ABCC12: variants seen among roughly 807,000 people sequenced by gnomAD.
The protein encoded by ABCC12 is ATP-binding cassette sub-family C member 12.
A neutral mutation model predicts 151.1 loss-of-function variants in ABCC12; 142 were observed. The observed-to-expected ratio is 0.94, with a 90% CI of 0.82 to 1.08. The LOEUF is 1.08. ABCC12 is among the 50% of genes least tolerant of loss of function. The pLI is 0.00. For missense variants in ABCC12, 1,638 were observed against 1,691.1 expected (o/e 0.97, Z 0.55); for synonymous variants, 645 against 646.4 (o/e 1.00, Z 0.03).
intron 23 of ABCC12, among the ~76,000 whole-genome samples, chr16:48,098,090 GACACACACACACACACACACACAC>G (rs66949388): frequency 3.0e-4 from 37 of 121,972 alleles, no homozygotes; most frequent in Admixed American, 1.8e-3. Context: ...TGCCCCACCT[GACACACACACACACACACACACAC>G]ACACACACAC....
intron 13 of ABCC12, among the ~76,000 whole-genome samples, chr16:48,118,878 T>C (rs1469102890): frequency 6.6e-6 from 1 of 152,236 alleles, no homozygotes; most frequent in East Asian, 1.9e-4. Context: ...TCTATAAAAT[T>C]GTGCAAACAA....
Position 48,140,912 on chromosome 16 carries a change from G to T in ABCC12, c.432C>A (p.Leu144=), listed in dbSNP as rs1964786424. The T allele has an allele frequency of 1.2e-6, 2 of 1,613,764 alleles. No homozygotes were observed. Among genetic ancestry groups the T allele is most frequent in the South Asian group, 2.2e-5 (2 of 90,962 alleles). Residue 144 remains leucine (L), a synonymous_variant, in exon 6 of 31, where the codon CTC becomes CTA. Coordinates refer to ENST00000311303, the MANE Select transcript of ABCC12 (RefSeq NM_001393797.1). ...CAGTCTGCTGGAGGATTTGGTGAAT[G>T]AGAACTGTCTGTAAAACAGCATGGT... ...IIMAAIGPTV[L]IHQILQQTER...
intron 24 of ABCC12, among the ~76,000 whole-genome samples, chr16:48,093,156 C>T (rs375003308): frequency 6.6e-5 from 10 of 152,256 alleles, no homozygotes; most frequent in East Asian, 5.8e-4. Flanking sequence ...CATCCTACCA[C>T]GCACAGAACA....
chr16:48,143,450 G>C (rs899975326), intron 4 of ABCC12, among the ~76,000 whole-genome samples: 4 of 152,212 alleles, frequency 2.6e-5, no homozygotes, highest in Non-Finnish European at 5.9e-5. Flanking sequence ...TGGGGAAATT[G>C]TGAAGCACAC....
chr16:48,133,895 GA>G, intron 8 of ABCC12, 60 bp from the exon 9 acceptor site: 1 of 1,597,714 alleles, frequency 6.3e-7, no homozygotes, highest in Non-Finnish European at 8.6e-7. Flanking sequence ...CTAGCATTAT[GA>G]AATGTATTAG....
intron 6 of ABCC12, among the ~76,000 whole-genome samples, 175 bp from the exon 7 acceptor site, chr16:48,139,511 T>C (rs1489826130): frequency 1.3e-5 from 2 of 152,100 alleles, no homozygotes; most frequent in Non-Finnish European, 2.9e-5. Context: ...GGTACGACTT[T>C]GGAGAGGCTG....
intron 2 of ABCC12, among the ~76,000 whole-genome samples, chr16:48,152,452 C>T (rs1965129391): frequency 6.6e-6 from 1 of 152,178 alleles, no homozygotes; most frequent in Non-Finnish European, 1.5e-5. Context: ...AGCTGTGGTC[C>T]ATGATCAACA....
intron 18 of ABCC12, among the ~76,000 whole-genome samples, chr16:48,110,314 A>T (rs963405524): frequency 6.6e-6 from 1 of 151,446 alleles, no homozygotes; most frequent in African/African-American, 2.4e-5. Context: ...GTTAGCAGAG[A>T]TTTTTTTTTC....
chr16:48,130,330 T>C (rs965914817), intron 10 of ABCC12, among the ~76,000 whole-genome samples: 17 of 152,194 alleles, frequency 1.1e-4, no homozygotes, highest in African/African-American at 4.1e-4. Flanking sequence ...ATGTCTTATA[T>C]ATAGGAGGCA....
chr16:48,121,596 G>A (rs1481848848), intron 13 of ABCC12, 120 bp downstream of exon 13: 1 of 1,321,024 alleles, frequency 7.6e-7, no homozygotes, highest in African/African-American at 1.5e-5. Context: ...TCTGATGAAT[G>A]TTTAATCAGA....
At chr16:48,128,880 C>T in intron 10 of ABCC12, 143 bp from the exon 11 acceptor site, 1 of 939,984 alleles carries the variant, frequency 1.1e-6, no homozygotes, top group South Asian at 1.7e-5. Context: ...AATTATTCCC[C>T]CAGGAGAAGC....
At chr16:48,142,980 G>A (rs1286681949) in intron 4 of ABCC12, among the ~76,000 whole-genome samples, 1 of 152,098 alleles carries the variant, frequency 6.6e-6, no homozygotes, top group South Asian at 2.1e-4. Context: ...CAGGAGCATG[G>A]GAGAGATCCT....
At chr16:48,098,989 C>T (rs1013506161) in intron 23 of ABCC12, among the ~76,000 whole-genome samples, 6 of 152,136 alleles carry the variant, frequency 3.9e-5, no homozygotes, top group African/African-American at 7.2e-5. Context: ...TCTTGACAAA[C>T]GATGTTCAGG....
At chr16:48,154,798 G>A (rs948754991) in intron 1 of ABCC12, among the ~76,000 whole-genome samples, 1 of 152,332 alleles carries the variant, frequency 6.6e-6, no homozygotes, top group East Asian at 1.9e-4. Flanking sequence ...CTCATGATGG[G>A]AGTTCCTCCA....
Position 48,100,974 on chromosome 16 carries a change from A to G in ABCC12, c.2936T>C (p.Val979Ala). The change falls in exon 23 of 31, where the codon GTG becomes GCG. Residue 979 changes from valine (V) to alanine (A), a missense_variant. Val to Ala is a moderately conservative substitution (Grantham distance 64). Coordinates refer to ENST00000311303, the MANE Select transcript of ABCC12 (RefSeq NM_001393797.1). ...FHRGVQELKK[V>A]ENVSRSPWFT... The stretch of plus-strand genomic sequence containing the variant: ...CCAGGGTGACCGGCTGACATTCTCC[A>G]CCTTCTTGAGCTCCTGGACTCCTCT... 6.2e-7 allele frequency: 1 copy of G among 1,614,128 alleles called. No homozygotes were observed. Among genetic ancestry groups the G allele is most frequent in the Admixed American group, 1.7e-5 (1 of 60,012 alleles).
intron 2 of ABCC12, chr16:48,146,731 T>C: frequency 3.7e-6 from 1 of 267,102 alleles, no homozygotes; most frequent in Non-Finnish European, 7.1e-6. Context: ...GAAAACCCTA[T>C]GGTGTGGTTT....
At chr16:48,115,274 G>T in intron 15 of ABCC12, 141 bp downstream of exon 15, 1 of 995,376 alleles carries the variant, frequency 1.0e-6, no homozygotes, top group African/African-American at 1.6e-5. Context: ...GGGGAATCAT[G>T]AGTGTCTCTT....
In ABCC12 at chr16:48,088,616, A is replaced by AG. The variant is rs1380860056; in HGVS notation, c.3403dup (p.Leu1135ProfsTer47). On this transcript the variant is annotated frameshift_variant, in exon 26 of 31. Transcript: ENST00000311303. LOFTEE classifies it high-confidence loss of function. ...GTTCAAGTTCAGGCTGTCGAGAACA[A>AG]GGGGGGTGTTGTCTCTGTATCTCAT... The AG allele has an allele frequency of 4.3e-6, 7 of 1,614,044 alleles. No individual in the cohort carries two copies. The highest frequency in any genetic ancestry group is 2.7e-5 in the African/African-American group (2 of 74,916).
chr16:48,117,382 C>G, intron 13 of ABCC12, 49 bp from the exon 14 acceptor site: 1 of 1,595,080 alleles, frequency 6.3e-7, no homozygotes, highest in Non-Finnish European at 8.6e-7. Flanking sequence ...ACCCCAAGCA[C>G]TGCTGCCCTG....
Sources: gnomAD v4.1 joint callset for allele counts (sites outside exome capture counted in the v4.1 genomes callset) on GRCh38, gnomAD v4.1.1 for gene constraint, MANE v1.5 for transcripts, NCBI Gene and HGNC (gene_info 2026-07-23, HGNC 2026-07-21) for gene names.